Variants in CARS1 observed in about 807,000 individuals in gnomAD.
CARS1 encodes cysteinyl-tRNA synthetase 1.
CARS1 carries 48 observed loss-of-function variants against 106.2 expected under a neutral mutation model. The ratio of observed to expected loss-of-function variants is 0.45; its 90% CI spans 0.36 to 0.57. CARS1 has a LOEUF of 0.57. CARS1 is among the 20% of genes least tolerant of loss of function. The probability of loss-of-function intolerance (pLI) is 0.00; values close to 1 mark genes in which losing one functional copy is unlikely to be tolerated. For missense variants in CARS1, 968 were observed against 1,057.2 expected, an observed-to-expected ratio of 0.92 and a Z score of 1.17; for synonymous variants, 409 against 403.4, an observed-to-expected ratio of 1.01 and a Z score of -0.17.
At chr11:3,042,313 C>A in intron 2 of CARS1, 57 bp from the exon 3 acceptor site, 1 of 1,306,728 alleles carries the variant, frequency 7.7e-7, no homozygotes, top group Middle Eastern at 1.9e-4. Context: ...AAGTGCAAGT[C>A]GCCTCTTCAC....
In CARS1 at chr11:3,017,678, C is replaced by T; in HGVS notation, c.1727+179G>A. 1.7e-6 allele frequency: 1 copy of T among 588,984 alleles called. No individual in the cohort carries two copies. Among genetic ancestry groups the T allele is most frequent in the Non-Finnish European group, 3.0e-6 (1 of 331,832 alleles). The allele number at this position is 588,984 out of a possible 1,614,324, so 36.5% of individuals were successfully genotyped here. A position where few individuals can be genotyped will look rare whatever the true frequency, so the allele number is the denominator to read the frequency against. ...AAACAAAAAAGAAATTCTCCATGCA[C>T]TTCAACACCCAGAGCAGCTCCCATT... On this transcript the variant is annotated intron_variant, in intron 15 of 22. Transcript: ENST00000380525. The surrounding 1 kb of genome is among the most constrained non-coding windows in gnomAD (Gnocchi z 4.9).
chr11:3,038,963 G>A lies in CARS1; in HGVS notation c.651+231C>T, dbSNP rs1435997069. On this transcript the variant is annotated intron_variant, in intron 6 of 22. Coordinates refer to ENST00000380525, the MANE Select transcript of CARS1 (RefSeq NM_001014437.3). The surrounding 1 kb of genome is among the most constrained non-coding windows in gnomAD (Gnocchi z 4.0). ...TTCAGTTGTTTTCCTGTAAGTGGCA[G>A]GAATGTCACCTACTCTCCACTCCAC... is the stretch of plus-strand genomic sequence containing the variant. Among the ~76,000 whole-genome samples the A allele has an allele frequency of 6.6e-6, 1 of 152,188 alleles. No homozygotes were observed. The highest frequency in any genetic ancestry group is 1.5e-5 in the Non-Finnish European group (1 of 68,028).
Position 3,017,810 on chromosome 11 carries a change from A to T in CARS1, c.1727+47T>A, listed in dbSNP as rs527716217. On this transcript the variant is annotated intron_variant, in intron 15 of 22. Transcript: ENST00000380525. This position sits in a 1 kb window ranked among gnomAD's most constrained non-coding sequence, Gnocchi z 4.9. ...GTGGCCAAGATGCGAGGCTAGGCAT[A>T]GAACATGGGCATGCTCAAAAACCCC... 1 of 1,301,998 alleles carries T rather than the reference A, an allele frequency of 7.7e-7. No homozygotes were observed. Among genetic ancestry groups the T allele is most frequent in the East Asian group, 2.3e-5 (1 of 43,408 alleles). The allele number at this position is 1,301,998 out of a possible 1,614,324, so 80.7% of individuals were successfully genotyped here. A position where few individuals can be genotyped will look rare whatever the true frequency, so the allele number is the denominator to read the frequency against.
chr11:3,017,123 G>C lies in CARS1; in HGVS notation c.1900C>G (p.Leu634Val). ...TGGCTTACCTTCAGCATATGGGTGA[G>C]GTACAGGGCGATGTTCTCCAGCAGA... is the stretch of plus-strand genomic sequence containing the variant. ...QALLENIALY[L>V]THMLKIFGAV... Residue 634 changes from leucine to valine, a missense_variant, in exon 16 of 23, where the codon CTC (leucine) becomes GTC (valine). By Grantham distance (32) the Leu-to-Val change is conservative. Transcript: ENST00000380525. The surrounding 1 kb of genome is among the most constrained non-coding windows in gnomAD (Gnocchi z 4.9). The C allele has an allele frequency of 6.2e-7, 1 of 1,613,808 alleles. No individual in the cohort carries two copies. Among genetic ancestry groups the C allele is most frequent in the Non-Finnish European group, 8.5e-7 (1 of 1,179,746 alleles).
In CARS1 at chr11:3,040,811, C is replaced by CCA; in HGVS notation, c.455+84_455+85insTG. The stretch of plus-strand genomic sequence containing the variant: ...GTAGCAGATCTAAGATCTTTGTGGA[C>CCA]CTAAGATCGCTGCTGTGGATCCCAA... On this transcript the variant is annotated intron_variant, in intron 4 of 22. Coordinates refer to ENST00000380525, the MANE Select transcript of CARS1 (RefSeq NM_001014437.3). The surrounding 1 kb of genome is among the most constrained non-coding windows in gnomAD (Gnocchi z 5.8). 1 of 1,377,340 alleles carries CCA rather than the reference C, an allele frequency of 7.3e-7. No homozygotes were observed. The highest frequency in any genetic ancestry group is 1.0e-6 in the Non-Finnish European group (1 of 987,956). The allele number at this position is 1,377,340 out of a possible 1,614,324, so 85.3% of individuals were successfully genotyped here.
chr11:3,017,162 T>A lies in CARS1; in HGVS notation c.1861A>T (p.Arg621Trp), dbSNP rs755328001. 6.2e-7 allele frequency: 1 copy of A among 1,614,198 alleles called. No homozygotes were observed. The highest frequency in any genetic ancestry group is 2.2e-5 in the East Asian group (1 of 44,882). Residue 621 changes from arginine to tryptophan, a missense_variant, in exon 16 of 23, where the codon AGG (arginine) becomes TGG (tryptophan). Transcript: ENST00000380525. The surrounding 1 kb of genome is among the most constrained non-coding windows in gnomAD (Gnocchi z 4.9). ...YMAARKAVRKRPNQALLENIA... is the reference protein window; with the variant it reads ...YMAARKAVRKWPNQALLENIA... ...TTCTCCAGCAGAGCCTGGTTGGGCC[T>A]CTTCCTCACGGCTTTCCGGGCTGCC...
Position 3,000,961 on chromosome 11 carries a change from C to A in CARS1, c.*153G>T. On this transcript the variant is annotated 3_prime_UTR_variant, in exon 23 of 23. Coordinates refer to ENST00000380525, the MANE Select transcript of CARS1 (RefSeq NM_001014437.3). This position sits in a 1 kb window ranked among gnomAD's most constrained non-coding sequence, Gnocchi z 7.1. ...TGAGAAAAATTTATTATCAATGTCT[C>A]AGAGCCAACGACGACACGAACCTAC... The A allele has an allele frequency of 1.2e-6, 1 of 811,698 alleles. No individual in the cohort carries two copies. The highest frequency in any genetic ancestry group is 1.7e-5 in the South Asian group (1 of 60,020). The allele number at this position is 811,698 out of a possible 1,614,324, so 50.3% of individuals were successfully genotyped here.
chr11:3,051,744 C>T (rs995396532), intron 1 of CARS1, among the ~76,000 whole-genome samples: 25 of 152,304 alleles, frequency 1.6e-4, no homozygotes, highest in African/African-American at 4.8e-4. Context: ...GATCAGGCCA[C>T]AGTTCGAAAG....
chr11:3,011,789 G>A (rs1590342344), intron 18 of CARS1, among the ~76,000 whole-genome samples: 1 of 152,208 alleles, frequency 6.6e-6, no homozygotes, highest in East Asian at 1.9e-4. Context: ...AGCGCACCCA[G>A]CCTACCAGGT....
Position 3,004,836 on chromosome 11 carries a change from G to A in CARS1, c.2217+530C>T, listed in dbSNP as rs1168632308. ...AACATGTCAGCTTCGGGCCAGGCGT[G>A]GTGGCTCAAGCCTGTAATCCCAGCA... On this transcript the variant is annotated intron_variant, in intron 20 of 22. Coordinates refer to ENST00000380525, the MANE Select transcript of CARS1 (RefSeq NM_001014437.3). This position sits in a 1 kb window ranked among gnomAD's most constrained non-coding sequence, Gnocchi z 5.2. 7.9e-5 allele frequency among the ~76,000 whole-genome samples: 12 copies of A among 152,082 alleles called. No individual in the cohort carries two copies. The highest frequency in any genetic ancestry group is 5.9e-5 in the Non-Finnish European group (4 of 68,006).
rs1009919810 is a variant in CARS1, at chr11:3,030,425, G to A, written c.802-982C>T. The A allele has an allele frequency of 1.2e-4, 18 of 152,228 alleles. No homozygotes were observed. Among genetic ancestry groups the A allele is most frequent in the Admixed American group, 3.9e-4 (6 of 15,278 alleles). 9.4% of individuals were successfully genotyped at this position (152,228 alleles called of 1,614,324 possible). On this transcript the variant is annotated intron_variant, in intron 7 of 22. Coordinates refer to ENST00000380525, the MANE Select transcript of CARS1 (RefSeq NM_001014437.3). This position sits in a 1 kb window ranked among gnomAD's most constrained non-coding sequence, Gnocchi z 5.7. ...GGAATGAGCACACCCTCCCCACCGC[G>A]GCAGGGCATCCAGTGGGCAGACAAG...
rs556603526 is a variant in CARS1, at chr11:3,044,553, C to T, written c.275-2297G>A. 9.2e-5 allele frequency among the ~76,000 whole-genome samples: 14 copies of T among 152,232 alleles called. No individual in the cohort carries two copies. Among genetic ancestry groups the T allele is most frequent in the South Asian group, 6.2e-4 (3 of 4,820 alleles). On this transcript the variant is annotated intron_variant, in intron 2 of 22. Coordinates refer to ENST00000380525, the MANE Select transcript of CARS1 (RefSeq NM_001014437.3). The surrounding 1 kb of genome is among the most constrained non-coding windows in gnomAD (Gnocchi z 4.4). ...CTAGGACTACAGGCACCTGCCACCA[C>T]GCCCCACCAATTTTTGTATCTTTAG...
chr11:3,020,180 C>A lies in CARS1; in HGVS notation c.1266+40G>T. ...CCTGAGAGTGTGGCTGGCGCCAGTG[C>A]CCCTGTCCAAGCCCCACACCTTCTA... On this transcript the variant is annotated intron_variant, in intron 11 of 22. Coordinates refer to ENST00000380525, the MANE Select transcript of CARS1 (RefSeq NM_001014437.3). This position sits in a 1 kb window ranked among gnomAD's most constrained non-coding sequence, Gnocchi z 4.6. 1 of 1,215,098 alleles carries A rather than the reference C, an allele frequency of 8.2e-7. No homozygotes were observed. Among genetic ancestry groups the A allele is most frequent in the Non-Finnish European group, 1.2e-6 (1 of 816,478 alleles). The allele number at this position is 1,215,098 out of a possible 1,614,324, so 75.3% of individuals were successfully genotyped here.
rs1224538113 is a variant in CARS1, at chr11:3,039,211, C to T, written c.634G>A (p.Val212Ile). Residue 212 changes from valine to isoleucine, a missense_variant, in exon 6 of 23, where the codon GTT becomes ATT. By Grantham distance (29) the Val-to-Ile change is conservative (BLOSUM62 3). Coordinates refer to ENST00000380525, the MANE Select transcript of CARS1 (RefSeq NM_001014437.3). The surrounding 1 kb of genome is among the most constrained non-coding windows in gnomAD (Gnocchi z 5.6). ...RPEAAQLLED[V>I]QAALKPFSVK... Reference sequence around the variant, plus strand: ...AGGCCCACCTTCAGGGCGGCCTGAACATCCTCCAAGAGCTGTGCCGCTTCA... The same window carrying T: ...AGGCCCACCTTCAGGGCGGCCTGAATATCCTCCAAGAGCTGTGCCGCTTCA... The T allele has an allele frequency of 6.2e-7, 1 of 1,612,480 alleles. No homozygotes were observed. Among genetic ancestry groups the T allele is most frequent in the Admixed American group, 1.7e-5 (1 of 59,982 alleles).
At position 3,006,941 on chromosome 11, in the gene CARS1, A is replaced by T. The variant is rs187175475; in HGVS notation, c.2087T>A (p.Leu696His). Residue 696 changes from leucine (L) to histidine (H), a missense_variant, in exon 19 of 23, where the codon CTC (leucine) becomes CAC (histidine). Leu to His is a moderately conservative substitution (Grantham distance 99). Transcript: ENST00000380525. ...GATGTTGTCCCGCAGGGCATCGCTG[A>T]GCTGCAGAATCTCAGGGACTGTAGG... Reference protein sequence around the residue: ...REQKVPEILQLSDALRDNILP... With the variant: ...REQKVPEILQHSDALRDNILP... 236 of 1,614,064 alleles carry T rather than the reference A, an allele frequency of 1.5e-4. No individual in the cohort carries two copies. Among genetic ancestry groups the T allele is most frequent in the Admixed American group, 3.0e-4 (18 of 60,026 alleles).
Position 3,040,062 on chromosome 11 carries a change from C to G in CARS1, c.456-131G>C, listed in dbSNP as rs1384798128. The G allele has an allele frequency of 7.1e-6, 4 of 562,866 alleles. No individual in the cohort carries two copies. The highest frequency in any genetic ancestry group is 2.4e-5 in the South Asian group (1 of 42,272). 34.9% of individuals were successfully genotyped at this position (562,866 alleles called of 1,614,324 possible). A position where few individuals can be genotyped will look rare whatever the true frequency, so the allele number is the denominator to read the frequency against. On this transcript the variant is annotated intron_variant, in intron 4 of 22. Transcript: ENST00000380525. The surrounding 1 kb of genome is among the most constrained non-coding windows in gnomAD (Gnocchi z 5.8). ...CTGCCATCCCTGAAACAGCAAGACCCCCCCTTCTCCTCCTCAGTCTACTCA... is the reference window on the plus strand; with the variant it reads ...CTGCCATCCCTGAAACAGCAAGACCGCCCCTTCTCCTCCTCAGTCTACTCA...
chr11:3,021,485 A>G lies in CARS1; in HGVS notation c.1154-1153T>C, dbSNP rs1851566582. On this transcript the variant is annotated intron_variant, in intron 10 of 22. Coordinates refer to ENST00000380525, the MANE Select transcript of CARS1 (RefSeq NM_001014437.3). This position sits in a 1 kb window ranked among gnomAD's most constrained non-coding sequence, Gnocchi z 5.3. ...TTTCCAGGTGACAAATCCACTTTTC[A>G]GGAGCCTAATCAGGCAACAGACCTA... 6.6e-6 allele frequency among the ~76,000 whole-genome samples: 1 copy of G among 152,230 alleles called. No homozygotes were observed. Among genetic ancestry groups the G allele is most frequent in the Non-Finnish European group, 1.5e-5 (1 of 68,044 alleles).
In CARS1 at chr11:3,012,140, G is replaced by A. The variant is rs567196806; in HGVS notation, c.2068+55C>T. On this transcript the variant is annotated intron_variant, in intron 18 of 22. Transcript: ENST00000380525. ...GTGCCTCGGGGGAGACGCCCGGTCC[G>A]GGGAGCCCAGTGAGGGGAGTGGCTC... The A allele has an allele frequency of 7.9e-5, 117 of 1,485,884 alleles. 1 individual carries two copies. Among genetic ancestry groups the A allele is most frequent in the Non-Finnish European group, 1.1e-4 (114 of 1,063,130 alleles). 92.0% of individuals were successfully genotyped at this position (1,485,884 alleles called of 1,614,324 possible).
chr11:3,029,319 T>C lies in CARS1; in HGVS notation c.926A>G (p.Asp309Gly), dbSNP rs750767852. Residue 309 changes from aspartate (D) to glycine (G), a missense_variant, in exon 8 of 23, where the codon GAC becomes GGC. Coordinates refer to ENST00000380525, the MANE Select transcript of CARS1 (RefSeq NM_001014437.3). This position sits in a 1 kb window ranked among gnomAD's most constrained non-coding sequence, Gnocchi z 5.9. ...GACACTTACATTCAGAGCTTCCATGTCTCTGTGGAAGTCCCCCTCCCAGAA... is the reference window on the plus strand; with the variant it reads ...GACACTTACATTCAGAGCTTCCATGCCTCTGTGGAAGTCCCCCTCCCAGAA... ...PKFWEGDFHR[D>G]MEALNVLPPD... is the part of the protein sequence containing the mutation. 5.0e-6 allele frequency: 8 copies of C among 1,614,004 alleles called. No individual in the cohort carries two copies. Among genetic ancestry groups the C allele is most frequent in the African/African-American group, 1.3e-5 (1 of 74,998 alleles).
Sources: gnomAD v4.1 joint callset for allele counts (sites outside exome capture counted in the v4.1 genomes callset) on GRCh38, gnomAD v4.1.1 for gene constraint, Gnocchi (gnomAD v3.1) non-coding constraint, MANE v1.5 for transcripts, NCBI Gene and HGNC (gene_info 2026-07-23, HGNC 2026-07-21) for gene names.